GMDS: variants seen among roughly 807,000 people sequenced by gnomAD.
The protein encoded by GMDS is GDP-mannose 4,6 dehydratase.
Under a neutral mutation model 49.9 loss-of-function variants are expected in GMDS, and 20 were observed. That is an observed-to-expected ratio of 0.40 (90% CI 0.28 to 0.58). GMDS has a LOEUF of 0.58. Ranked by LOEUF, GMDS falls within the 20% of genes least tolerant of loss-of-function variation. The pLI, the probability that GMDS is intolerant of heterozygous loss-of-function variation, is 0.42. For synonymous variants in GMDS, 177 were observed against 178.6 expected, an observed-to-expected ratio of 0.99 and a Z score of 0.07; for missense variants, 362 against 481.4, an observed-to-expected ratio of 0.75 and a Z score of 2.32.
chr6:1,991,963 A>T (rs1765970763), intron 4 of GMDS, among the ~76,000 whole-genome samples: 1 of 152,236 alleles, frequency 6.6e-6, no homozygotes, highest in Non-Finnish European at 1.5e-5. Flanking sequence ...AAGGAAGGCC[A>T]AATCGCTGCA....
At chr6:2,112,083 T>G (rs9503098) in intron 4 of GMDS, among the ~76,000 whole-genome samples, 6 of 152,196 alleles carry the variant, frequency 3.9e-5, no homozygotes, top group African/African-American at 1.4e-4. Context: ...GATCACAGCA[T>G]AAACAGTGGT....
At position 1,969,289 on chromosome 6, in the gene GMDS, A is replaced by AAAAAAAAAAG. The variant is rs56095985; in HGVS notation, c.346-8324_346-8323insCTTTTTTTTT. Reference sequence around the variant, plus strand: ...AAAAAAAAAAAAAAAAAAAAAAAAAAAGAGAAAGAAAGAAAAAAAGAAATT... The same window carrying AAAAAAAAAAG: ...AAAAAAAAAAAAAAAAAAAAAAAAAAAAAAAAAAAGAGAGAAAGAAAGAAAAAAAGAAATT... On this transcript the variant is annotated intron_variant, in intron 4 of 10. Transcript: ENST00000380815. Among the ~76,000 whole-genome samples the AAAAAAAAAAG allele has an allele frequency of 1.7e-3, 143 of 84,342 alleles. 19 individuals are homozygous for AAAAAAAAAAG. The highest frequency in any genetic ancestry group is 2.8e-3 in the African/African-American group (64 of 23,076). The allele number at this position is 84,342 out of a possible 152,430, so 55.3% of individuals were successfully genotyped here.
At chr6:1,910,752 C>A (rs1016216012) in intron 7 of GMDS, among the ~76,000 whole-genome samples, 4 of 152,138 alleles carry the variant, frequency 2.6e-5, no homozygotes, top group Admixed American at 6.5e-5. Flanking sequence ...AGGGATAAGA[C>A]TGAATATTCC....
chr6:1,945,280 C>A (rs1763026684), intron 6 of GMDS, among the ~76,000 whole-genome samples: 1 of 151,946 alleles, frequency 6.6e-6, no homozygotes, highest in Non-Finnish European at 1.5e-5. Context: ...GGGTTCTCAG[C>A]CACAAGCCTA....
chr6:1,758,312 C>G (rs536501384), intron 7 of GMDS, among the ~76,000 whole-genome samples: 1 of 152,328 alleles, frequency 6.6e-6, no homozygotes, highest in Non-Finnish European at 1.5e-5. Flanking sequence ...GCGATGACAA[C>G]TGGGAGAGAG....
intron 4 of GMDS, among the ~76,000 whole-genome samples, chr6:2,054,491 A>T (rs2127440427): frequency 6.6e-6 from 1 of 152,240 alleles, no homozygotes; most frequent in Non-Finnish European, 1.5e-5. Flanking sequence ...TAGAAAACCC[A>T]TTGTCTTACT....
intron 9 of GMDS, among the ~76,000 whole-genome samples, chr6:1,705,865 C>T (rs1765717642): frequency 6.6e-6 from 1 of 152,166 alleles, no homozygotes; most frequent in Non-Finnish European, 1.5e-5. Context: ...TGGCAGGCGG[C>T]TGGGCACCCA....
At chr6:1,954,299 T>C (rs1763516387) in intron 6 of GMDS, among the ~76,000 whole-genome samples, 1 of 152,272 alleles carries the variant, frequency 6.6e-6, no homozygotes, top group Non-Finnish European at 1.5e-5. Context: ...TGCCTTTTGC[T>C]GGTAGAGGGC....
chr6:1,646,830 C>T (rs375547047), intron 9 of GMDS, among the ~76,000 whole-genome samples: 17 of 152,120 alleles, frequency 1.1e-4, no homozygotes, highest in African/African-American at 3.9e-4. Flanking sequence ...TAGAAAACTC[C>T]CTGAAGAGGA....
chr6:1,685,402 A>C (rs965387327), intron 9 of GMDS, among the ~76,000 whole-genome samples: 1 of 152,132 alleles, frequency 6.6e-6, no homozygotes, highest in Non-Finnish European at 1.5e-5. Flanking sequence ...GTAATAGAGG[A>C]GTATCTGGCA....
chr6:1,896,493 C>T (rs941455948), intron 7 of GMDS, among the ~76,000 whole-genome samples: 7 of 152,114 alleles, frequency 4.6e-5, no homozygotes, highest in Admixed American at 2.0e-4. Flanking sequence ...GACTTCAGAA[C>T]GTGGGGAAAG....
intron 4 of GMDS, among the ~76,000 whole-genome samples, chr6:2,090,760 A>G (rs922894841): frequency 5.3e-5 from 8 of 152,212 alleles, no homozygotes; most frequent in Admixed American, 2.0e-4. Context: ...CTGCAACTGA[A>G]GTGGAATATA....
intron 7 of GMDS, among the ~76,000 whole-genome samples, chr6:1,746,374 T>A (rs891268666): frequency 6.6e-6 from 1 of 152,220 alleles, no homozygotes; most frequent in African/African-American, 2.4e-5. Context: ...GAAAAAAATC[T>A]CCTGTTTTTT....
chr6:2,158,285 G>T (rs1008263938), intron 1 of GMDS, among the ~76,000 whole-genome samples: 1 of 152,068 alleles, frequency 6.6e-6, no homozygotes, highest in African/African-American at 2.4e-5. Context: ...GTACGCATAA[G>T]GGAAACAGAA....
At chr6:1,841,744 CAGAT>C (rs1191910766) in intron 7 of GMDS, among the ~76,000 whole-genome samples, 1 of 152,100 alleles carries the variant, frequency 6.6e-6, no homozygotes, top group African/African-American at 2.4e-5. Flanking sequence ...TGTAGAGACA[CAGAT>C]AGGAAGGGAG....
At chr6:1,876,568 A>C (rs1759077645) in intron 7 of GMDS, among the ~76,000 whole-genome samples, 1 of 152,230 alleles carries the variant, frequency 6.6e-6, no homozygotes, top group Non-Finnish European at 1.5e-5. Context: ...CCTAGCTCTT[A>C]GACAATTCCT....
At chr6:2,082,861 C>T (rs1454281156) in intron 4 of GMDS, among the ~76,000 whole-genome samples, 5 of 152,230 alleles carry the variant, frequency 3.3e-5, no homozygotes, top group Non-Finnish European at 7.3e-5. Flanking sequence ...AATATCCTCA[C>T]TGGATGACAA....
intron 4 of GMDS, among the ~76,000 whole-genome samples, chr6:2,037,206 T>G (rs1769356892): frequency 6.6e-6 from 1 of 152,294 alleles, no homozygotes; most frequent in South Asian, 2.1e-4. Context: ...CAATGAGAAC[T>G]GCTTCTTGTA....
chr6:2,146,212 T>C (rs937465435), intron 1 of GMDS, among the ~76,000 whole-genome samples: 2 of 152,252 alleles, frequency 1.3e-5, no homozygotes, highest in African/African-American at 4.8e-5. Flanking sequence ...GGTAGGACTG[T>C]AAATTGGTAA....
Sources: allele counts gnomAD v4.1 joint callset (sites outside exome capture counted in the v4.1 genomes callset), GRCh38; gene constraint gnomAD v4.1.1; transcripts MANE v1.5; gene names NCBI Gene and HGNC (gene_info 2026-07-23, HGNC 2026-07-21).